Variants in PUDP observed in about 807,000 individuals in gnomAD.
PUDP encodes the protein pseudouridine-5'-phosphatase.
Under a neutral mutation model 9.4 loss-of-function variants are expected in PUDP, and 8 were observed. The observed-to-expected ratio is 0.85, with a 90% CI of 0.50 to 1.53. The LOEUF (loss-of-function observed/expected upper bound fraction) is 1.53, where lower values mean the gene tolerates loss of function less well. Among genes scored for constraint, PUDP ranks in the 40% most tolerant of loss-of-function variants. PUDP has a pLI of 0.00. For missense variants in PUDP, 188 were observed against 189.7 expected (o/e 0.99, Z 0.05); for synonymous variants, 99 against 80.7 (o/e 1.23, Z -1.22).
chrX:6,846,116 T>C (rs772056689), intron 3 of PUDP, among the ~76,000 whole-genome samples: 27 of 112,038 alleles, frequency 2.4e-4, no homozygotes, highest in African/African-American at 7.4e-4. Context: ...ACATTGGTTT[T>C]GGAAACATTG....
At chrX:7,010,088 G>A (rs1193514966) in intron 1 of PUDP, among the ~76,000 whole-genome samples, 1 of 111,715 alleles carries the variant, frequency 9.0e-6, no homozygotes, top group African/African-American at 3.3e-5. Flanking sequence ...GCCACAATTC[G>A]TCCCAGCAAT....
At chrX:6,751,007 T>C (rs1329017548) in intron 3 of PUDP, among the ~76,000 whole-genome samples, 3 of 108,685 alleles carry the variant, frequency 2.8e-5, no homozygotes, top group Non-Finnish European at 5.7e-5. Context: ...CCGGGTGTGG[T>C]GGTGGGCGCC....
downstream of PUDP, among the ~76,000 whole-genome samples, chrX:7,044,354 AC>A (rs1178769585): frequency 8.9e-6 from 1 of 112,351 alleles, no homozygotes; most frequent in African/African-American, 3.2e-5. Context: ...AGATGTTCAA[AC>A]ATGTTAGGAC....
chrX:6,990,970 G>C (rs1157977563), intron 1 of PUDP, among the ~76,000 whole-genome samples: 1 of 112,365 alleles, frequency 8.9e-6, no homozygotes, highest in Non-Finnish European at 1.9e-5. Context: ...CTCTCTGCAC[G>C]GGCACAAGAG....
At chrX:7,015,635 C>T (rs1459330937) in intron 1 of PUDP, among the ~76,000 whole-genome samples, 1 of 111,417 alleles carries the variant, frequency 9.0e-6, no homozygotes, top group Non-Finnish European at 1.9e-5. Flanking sequence ...AGTGCAGTGG[C>T]CTGATCCATG....
chrX:7,009,749 T>G (rs1929451333), intron 1 of PUDP, among the ~76,000 whole-genome samples: 1 of 111,369 alleles, frequency 9.0e-6, no homozygotes, highest in South Asian at 3.8e-4. Flanking sequence ...GACGAGTTAA[T>G]GGGTGCAGCA....
At chrX:6,724,719 G>T (rs1023614062), upstream of PUDP, among the ~76,000 whole-genome samples, 1 of 111,513 alleles carries the variant, frequency 9.0e-6, no homozygotes, top group Non-Finnish European at 1.9e-5. Context: ...TTGTATGCAG[G>T]ATTGTTTAAC....
chrX:7,024,017 A>T (rs1360227047), intron 1 of PUDP, among the ~76,000 whole-genome samples: 1 of 112,093 alleles, frequency 8.9e-6, no homozygotes, highest in Non-Finnish European at 1.9e-5. Flanking sequence ...TATATAAAAT[A>T]GTACATGATT....
At chrX:7,096,011 G>A (rs1478784706) in intron 2 of PUDP, among the ~76,000 whole-genome samples, 1 of 112,165 alleles carries the variant, frequency 8.9e-6, no homozygotes, top group African/African-American at 3.2e-5. Flanking sequence ...TCTTCTGGAA[G>A]CTGTCCTTGA....
At chrX:6,756,541 G>A (rs959606419) in intron 3 of PUDP, among the ~76,000 whole-genome samples, 7 of 111,996 alleles carry the variant, frequency 6.3e-5, no homozygotes, top group East Asian at 2.8e-4. Context: ...CCACTGAATC[G>A]CACACTTTAA....
chrX:6,744,689 G>A (rs919593577), intron 3 of PUDP, among the ~76,000 whole-genome samples: 1 of 111,225 alleles, frequency 9.0e-6, no homozygotes, highest in Non-Finnish European at 1.9e-5. Context: ...TATTTCCCAG[G>A]GGGGCGAAAG....
chrX:7,067,678 A>G (rs1275798538), intron 3 of PUDP, among the ~76,000 whole-genome samples: 3 of 112,020 alleles, frequency 2.7e-5, no homozygotes, highest in Non-Finnish European at 5.6e-5. Flanking sequence ...GGTTTGTGAA[A>G]TAACAGTACA....
chrX:6,816,392 G>A (rs979949797), intron 3 of PUDP, among the ~76,000 whole-genome samples: 15 of 103,052 alleles, frequency 1.5e-4, no homozygotes, highest in Non-Finnish European at 2.7e-4. Flanking sequence ...GATAGTATAT[G>A]TATAGTATAT....
chrX:6,863,875 C>T (rs186152680), intron 3 of PUDP, among the ~76,000 whole-genome samples: 1 of 111,923 alleles, frequency 8.9e-6, no homozygotes, highest in African/African-American at 3.2e-5. Context: ...ATGGTTCTGA[C>T]AGCTGCAGGG....
At chrX:6,981,383 C>T (rs1483451529) in intron 1 of PUDP, among the ~76,000 whole-genome samples, 2 of 111,655 alleles carry the variant, frequency 1.8e-5, no homozygotes, top group South Asian at 7.5e-4. Context: ...TTTAATAAAA[C>T]TTTCTCTATA....
chrX:6,785,521 C>T (rs1035245983), intron 3 of PUDP, among the ~76,000 whole-genome samples: 4 of 110,845 alleles, frequency 3.6e-5, no homozygotes, highest in South Asian at 7.7e-4. Flanking sequence ...GTTATCTCCC[C>T]GGATGGCATT....
intron 1 of PUDP, among the ~76,000 whole-genome samples, chrX:7,112,298 C>T (rs1932073815): frequency 8.9e-6 from 1 of 112,103 alleles, no homozygotes; most frequent in African/African-American, 3.2e-5. Flanking sequence ...CGTTCTGTGT[C>T]ATGGAACATA....
At chrX:6,734,436 A>G (rs1924849863) in intron 3 of PUDP, among the ~76,000 whole-genome samples, 1 of 112,358 alleles carries the variant, frequency 8.9e-6, no homozygotes, top group Non-Finnish European at 1.9e-5. Context: ...GCAAAACATC[A>G]CATTGTGCCT....
At chrX:6,871,797 G>C (rs2146734148) in intron 3 of PUDP, among the ~76,000 whole-genome samples, 1 of 111,628 alleles carries the variant, frequency 9.0e-6, no homozygotes, top group African/African-American at 3.3e-5. Context: ...ATTTGTCTCT[G>C]GGATTTTGTC....
Sources: gnomAD v4.1 joint callset for allele counts (sites outside exome capture counted in the v4.1 genomes callset) on GRCh38, gnomAD v4.1.1 for gene constraint, MANE v1.5 for transcripts, NCBI Gene and HGNC (gene_info 2026-07-23, HGNC 2026-07-21) for gene names.